SMAD2: variants seen among roughly 807,000 people sequenced by gnomAD.
SMAD2 encodes MAD homolog 2.
Under a neutral mutation model 64.4 loss-of-function variants are expected in SMAD2, and 8 were observed. The ratio of observed to expected loss-of-function variants is 0.12; its 90% CI spans 0.07 to 0.22. SMAD2 has a LOEUF of 0.22. Among genes scored for constraint, SMAD2 ranks in the 10% least tolerant of loss-of-function variants. The probability of loss-of-function intolerance (pLI) is 1.00; values close to 1 mark genes in which losing one functional copy is unlikely to be tolerated. For missense variants in SMAD2, 289 were observed against 561.2 expected (o/e 0.51, Z 4.90); for synonymous variants, 203 against 195.8 (o/e 1.04, Z -0.31).
rs769301053 is a variant in SMAD2, at chr18:47,868,375, T to C, written c.603A>G (p.Pro201=). Residue 201 remains proline, a synonymous_variant, in exon 5 of 11, where the codon CCA becomes CCG. Coordinates refer to ENST00000262160, the MANE Select transcript of SMAD2 (RefSeq NM_005901.6). ...PPLDDYTHSI[P]ENTNFPAGIE... ...TTCCTGCTGGGAAGTTAGTGTTTTC[T>C]GGAATGGAGTGAGTATAGTCATCCA... 6.2e-7 allele frequency: 1 copy of C among 1,611,898 alleles called. No individual in the cohort carries two copies. The highest frequency in any genetic ancestry group is 1.3e-5 in the African/African-American group (1 of 74,932).
rs1322643136 is a variant in SMAD2 at position 47,820,026 on chromosome 18, A to G, written c.*21801T>C. On this transcript the variant is annotated 3_prime_UTR_variant, in exon 11 of 11. Coordinates refer to ENST00000262160, the MANE Select transcript of SMAD2 (RefSeq NM_005901.6). ...GACATTGTCTCTAAAAAATAAACCA[A>G]AAGAATGTTTTTAAAAATAGGATGT... is the stretch of plus-strand genomic sequence containing the variant. The G allele has an allele frequency of 6.6e-6, 1 of 152,140 alleles. No individual in the cohort carries two copies. Among genetic ancestry groups the G allele is most frequent in the Non-Finnish European group, 1.5e-5 (1 of 68,030 alleles). 9.4% of individuals were successfully genotyped at this position (152,140 alleles called of 1,614,324 possible).
chr18:47,922,140 GGAAGA>G (rs1250977300), intron 1 of SMAD2, among the ~76,000 whole-genome samples: 1 of 151,976 alleles, frequency 6.6e-6, no homozygotes, highest in Non-Finnish European at 1.5e-5. Flanking sequence ...AGGTATGGAG[GGAAGA>G]GAAATTTCAA....
In SMAD2 at chr18:47,831,449, A is replaced by T. The variant is rs1350497083; in HGVS notation, c.*10378T>A. On this transcript the variant is annotated 3_prime_UTR_variant, in exon 11 of 11. Transcript: ENST00000262160. Reference sequence around the variant, plus strand: ...TTTCCTGTCATCACATCTCTTTCCTAAACTACTTTAGAACTTAAATAATTT... The same window carrying T: ...TTTCCTGTCATCACATCTCTTTCCTTAACTACTTTAGAACTTAAATAATTT... 2.0e-5 allele frequency: 3 copies of T among 152,216 alleles called. No individual in the cohort carries two copies. Among genetic ancestry groups the T allele is most frequent in the Non-Finnish European group, 2.9e-5 (2 of 68,040 alleles). 9.4% of individuals were successfully genotyped at this position (152,216 alleles called of 1,614,324 possible). A position where few individuals can be genotyped will look rare whatever the true frequency, so the allele number is the denominator to read the frequency against.
chr18:47,871,677 T>TC (rs35560930), intron 2 of SMAD2, among the ~76,000 whole-genome samples: 2,269 of 152,318 alleles, frequency 0.015, 54 homozygotes, highest in African/African-American at 0.052. Context: ...TCTTGCTTTT[T>TC]CAGGCTGCAA....
intron 1 of SMAD2, among the ~76,000 whole-genome samples, chr18:47,927,315 C>G (rs1267353382): frequency 3.5e-5 from 3 of 85,916 alleles, no homozygotes; most frequent in Admixed American, 2.4e-4. Flanking sequence ...CCCAGTGACA[C>G]TGAGTAACAC....
intron 5 of SMAD2, 90 bp downstream of exon 5, chr18:47,868,233 A>G (rs911984142): frequency 2.6e-6 from 3 of 1,159,934 alleles, no homozygotes; most frequent in Non-Finnish European, 3.9e-6. Flanking sequence ...CATTTTTAAA[A>G]AAGTGAAACC....
At chr18:47,892,363 C>G (rs1006571884) in intron 2 of SMAD2, among the ~76,000 whole-genome samples, 1 of 152,154 alleles carries the variant, frequency 6.6e-6, no homozygotes, top group Non-Finnish European at 1.5e-5. Flanking sequence ...CCACACCCAG[C>G]TAGTTTTTGT....
intron 10 of SMAD2, 59 bp downstream of exon 10, chr18:47,845,281 G>T (rs1914388907): frequency 6.9e-7 from 1 of 1,444,202 alleles, no homozygotes; most frequent in Non-Finnish European, 9.7e-7. Flanking sequence ...GAATATGCAA[G>T]AATGCAATGA....
At chr18:47,914,088 T>G (rs568423036) in intron 1 of SMAD2, among the ~76,000 whole-genome samples, 1 of 152,344 alleles carries the variant, frequency 6.6e-6, no homozygotes, top group African/African-American at 2.4e-5. Context: ...GTTTGACAAA[T>G]AGCATTCTCT....
rs1912248374 is a variant in SMAD2, at chr18:47,812,863, A to C, written c.*28964T>G. 6.6e-6 allele frequency: 1 copy of C among 152,222 alleles called. No homozygotes were observed. The highest frequency in any genetic ancestry group is 1.5e-5 in the Non-Finnish European group (1 of 68,092). 9.4% of individuals were successfully genotyped at this position (152,222 alleles called of 1,614,324 possible). ...CATCCAAGTACCACTTCTTGTAGGA[A>C]GCAGGGGTAACTTTCAATAGGGGTG... On this transcript the variant is annotated 3_prime_UTR_variant, in exon 11 of 11. Transcript: ENST00000262160.
In SMAD2 at chr18:47,829,655, A is replaced by T. The variant is rs1035462422; in HGVS notation, c.*12172T>A. 2 of 152,214 alleles carry T rather than the reference A, an allele frequency of 1.3e-5. No individual in the cohort carries two copies. The highest frequency in any genetic ancestry group is 3.8e-4 in the East Asian group (2 of 5,198). 9.4% of individuals were successfully genotyped at this position (152,214 alleles called of 1,614,324 possible). On this transcript the variant is annotated 3_prime_UTR_variant, in exon 11 of 11. Coordinates refer to ENST00000262160, the MANE Select transcript of SMAD2 (RefSeq NM_005901.6). ...TTGGGGTAGAGAGATTAAAAACGGG[A>T]AGCAGTGCATAGGCAGTATGAAGTA...
chr18:47,879,348 C>T (rs188994945), intron 2 of SMAD2, among the ~76,000 whole-genome samples: 8 of 152,256 alleles, frequency 5.3e-5, no homozygotes, highest in Admixed American at 3.3e-4. Context: ...ATGCGCTCAT[C>T]CCCAGAGGCA....
chr18:47,919,509 CACACACACACAA>C (rs1303425458), intron 1 of SMAD2, among the ~76,000 whole-genome samples: 16 of 121,934 alleles, frequency 1.3e-4, no homozygotes, highest in Non-Finnish European at 2.2e-4. Flanking sequence ...CACACACACA[CACACACACACAA>C]AGAATAGGAG....
chr18:47,927,315 C>A (rs1267353382), intron 1 of SMAD2, among the ~76,000 whole-genome samples: 1 of 85,908 alleles, frequency 1.2e-5, no homozygotes, highest in African/African-American at 7.0e-5. Flanking sequence ...CCCAGTGACA[C>A]TGAGTAACAC....
At chr18:47,925,136 G>A (rs1032682061) in intron 1 of SMAD2, among the ~76,000 whole-genome samples, 3 of 152,186 alleles carry the variant, frequency 2.0e-5, no homozygotes, top group African/African-American at 7.2e-5. Flanking sequence ...AGGTAGACAC[G>A]TGTACTAAAC....
intron 2 of SMAD2, 112 bp downstream of exon 2, chr18:47,896,409 C>T: frequency 9.3e-7 from 1 of 1,069,530 alleles, no homozygotes; most frequent in Non-Finnish European, 1.4e-6. Context: ...TAAAAACAGT[C>T]ATATTTCAAT....
intron 2 of SMAD2, among the ~76,000 whole-genome samples, chr18:47,879,558 GATTT>G (rs1206065579): frequency 6.9e-6 from 1 of 144,242 alleles, no homozygotes; most frequent in African/African-American, 2.5e-5. Context: ...GAACAAGCAT[GATTT>G]ATTTAGTCAT....
At chr18:47,919,545 G>GA (rs1361415226) in intron 1 of SMAD2, among the ~76,000 whole-genome samples, 7 of 143,050 alleles carry the variant, frequency 4.9e-5, no homozygotes, top group African/African-American at 1.3e-4. Context: ...TAACAAAGAA[G>GA]AAAAAATGAA....
chr18:47,860,515 T>G (rs2031094760), intron 6 of SMAD2, among the ~76,000 whole-genome samples: 3 of 152,078 alleles, frequency 2.0e-5, no homozygotes, highest in African/African-American at 7.2e-5. Context: ...CCTCCTGTGC[T>G]CAAGCAATTC....
Sources: allele counts gnomAD v4.1 joint callset (sites outside exome capture counted in the v4.1 genomes callset), GRCh38; gene constraint gnomAD v4.1.1; transcripts MANE v1.5; gene names NCBI Gene and HGNC (gene_info 2026-07-23, HGNC 2026-07-21).